The following NTMT1 variants were observed in gnomAD, a reference collection of about 807,000 sequenced individuals.
The protein encoded by NTMT1 is N-terminal Xaa-Pro-Lys N-methyltransferase 1.
A neutral mutation model predicts 17.5 loss-of-function variants in NTMT1; 8 were observed. The ratio of observed to expected loss-of-function variants is 0.46; its 90% CI spans 0.27 to 0.82. The LOEUF is 0.82. NTMT1 is among the 40% of genes least tolerant of loss of function. NTMT1 has a pLI of 0.15. For synonymous variants in NTMT1, 128 were observed against 126.8 expected (o/e 1.01, Z -0.06); for missense variants, 221 against 303.5 (o/e 0.73, Z 2.02).
intron 1 of NTMT1, among the ~76,000 whole-genome samples, chr9:129,630,441 A>T (rs190011193): frequency 6.6e-6 from 1 of 152,308 alleles, no homozygotes; most frequent in Non-Finnish European, 1.5e-5. Flanking sequence ...AAAAAAAAGA[A>T]GAAAAAATTC....
rs1304605542 is a variant in NTMT1 at position 129,626,927 on chromosome 9, G to A, written c.-55+632G>A. ...TTTCTCCTCTGTACTATAAGTGATT[G>A]CCACAACTGGTGTCAGAGGCCCTGA... On this transcript the variant is annotated intron_variant, in intron 1 of 3. Coordinates refer to ENST00000372483, the MANE Select transcript of NTMT1 (RefSeq NM_014064.4). Among the ~76,000 whole-genome samples the A allele has an allele frequency of 2.6e-5, 4 of 152,344 alleles. No homozygotes were observed. The East Asian group carries it at 7.7e-4, about 29-fold the overall frequency.
In NTMT1 at chr9:129,634,381, C is replaced by G; in HGVS notation, c.415+75C>G. On this transcript the variant is annotated intron_variant, in intron 3 of 3. Coordinates refer to ENST00000372483, the MANE Select transcript of NTMT1 (RefSeq NM_014064.4). ...CGCGTTCCCCATAAGGTGTCAGGAC[C>G]AGGGCTTTGCACTCCTGCAGCAAGT... 4 of 1,509,038 alleles carry G rather than the reference C, an allele frequency of 2.7e-6. No individual in the cohort carries two copies. In the Admixed American group the frequency reaches 8.3e-5, roughly 31 times the overall value. 93.5% of individuals were successfully genotyped at this position (1,509,038 alleles called of 1,614,324 possible). A position where few individuals can be genotyped will look rare whatever the true frequency, so the allele number is the denominator to read the frequency against.
chr9:129,634,784 A>C, intron 3 of NTMT1: 2 of 234,448 alleles, frequency 8.5e-6, no homozygotes, highest in Non-Finnish European at 1.7e-5. Flanking sequence ...TGCTGTGGAC[A>C]CTCTAGGTCT....
At chr9:129,612,192 C>T (rs1830128219) in intron 1 of NTMT1, 1 of 638,042 alleles carries the variant, frequency 1.6e-6, no homozygotes, top group Admixed American at 2.6e-5. Context: ...TCCAGGAACC[C>T]CCAGAGACCA....
chr9:129,616,673 A>T (rs1830405975), intron 1 of NTMT1, among the ~76,000 whole-genome samples: 1 of 152,216 alleles, frequency 6.6e-6, no homozygotes, highest in East Asian at 1.9e-4. Flanking sequence ...GGTGAGTATC[A>T]AATGATTTAC....
At chr9:129,635,138 AAGT>A in intron 3 of NTMT1, 67 bp from the exon 4 acceptor site, 4 of 1,542,606 alleles carry the variant, frequency 2.6e-6, no homozygotes, top group Non-Finnish European at 3.5e-6. Context: ...CGGGGCTGAG[AAGT>A]ACATCCCATC....
At chr9:129,623,345 A>AGGAAG (rs1564342255), upstream of NTMT1, among the ~76,000 whole-genome samples, 365 of 142,696 alleles carry the variant, frequency 2.6e-3, 3 homozygotes, top group East Asian at 0.019. Flanking sequence ...AAAAAAAAAA[A>AGGAAG]GAAGGAAGGA....
intron 1 of NTMT1, chr9:129,619,642 A>C: frequency 6.2e-7 from 1 of 1,613,928 alleles, no homozygotes; most frequent in Non-Finnish European, 8.5e-7. Context: ...GGCCCCTTAA[A>C]GACAAACAGG....
rs1488832529 is a variant in NTMT1, at chr9:129,620,980, T to C, written c.-54-11670T>C. Among the ~76,000 whole-genome samples, 3 of 152,250 alleles carry C rather than the reference T, an allele frequency of 2.0e-5. No homozygotes were observed. Among genetic ancestry groups the C allele is most frequent in the African/African-American group, 7.2e-5 (3 of 41,462 alleles). On this transcript the variant is annotated intron_variant, in intron 1 of 3. Transcript: ENST00000372486. The surrounding 1 kb of genome is among the most constrained non-coding windows in gnomAD (Gnocchi z 5.8). The stretch of plus-strand genomic sequence containing the variant: ...CCACCACTTATTAGCTTTGTAACCT[T>C]GGCCAAGCCAATTAACTTCCCTCTG...
upstream of NTMT1, among the ~76,000 whole-genome samples, chr9:129,621,850 G>T (rs1358489323): frequency 2.0e-5 from 3 of 152,132 alleles, no homozygotes; most frequent in Non-Finnish European, 2.9e-5. Flanking sequence ...TCTGGGTGGG[G>T]CCCTAGAAGG....
chr9:129,616,414 C>T (rs1415823272), intron 1 of NTMT1, among the ~76,000 whole-genome samples: 2 of 152,144 alleles, frequency 1.3e-5, no homozygotes, highest in African/African-American at 4.8e-5. Flanking sequence ...CGGGGTTTCA[C>T]CTTATTGGCC....
At chr9:129,627,889 C>T (rs910191834) in intron 1 of NTMT1, among the ~76,000 whole-genome samples, 14 of 152,142 alleles carry the variant, frequency 9.2e-5, no homozygotes, top group African/African-American at 3.4e-4. Context: ...AAAAGTCTGC[C>T]GGTGACAGTT....
intron 1 of NTMT1, among the ~76,000 whole-genome samples, chr9:129,630,423 C>T (rs1831100773): frequency 6.6e-6 from 1 of 152,006 alleles, no homozygotes; most frequent in Non-Finnish European, 1.5e-5. Context: ...ACAGTGAGAC[C>T]CTTTCTAAAA....
chr9:129,631,792 G>A (rs1458911531), intron 1 of NTMT1, among the ~76,000 whole-genome samples: 1 of 152,180 alleles, frequency 6.6e-6, no homozygotes, highest in Non-Finnish European at 1.5e-5. Context: ...CCTCCTCAGG[G>A]ATGCCTTCCC....
intron 1 of NTMT1, chr9:129,612,960 G>T: frequency 1.0e-6 from 1 of 966,610 alleles, no homozygotes; most frequent in Non-Finnish European, 1.5e-6. Flanking sequence ...CACAGGGCGT[G>T]GCCACTGCAA....
At chr9:129,634,605 G>T in intron 3 of NTMT1, 2 of 346,108 alleles carry the variant, frequency 5.8e-6, no homozygotes, top group Non-Finnish European at 1.0e-5. Context: ...TCAAAGTGAG[G>T]AGTTTTATAA....
At chr9:129,633,412 C>T (rs1564348939) in intron 2 of NTMT1, 1 of 188,234 alleles carries the variant, frequency 5.3e-6, no homozygotes, top group Non-Finnish European at 1.1e-5. Context: ...ACCTGTTGCC[C>T]CGCTTCCATT....
chr9:129,614,406 C>T lies in NTMT1; in HGVS notation c.-55+5228C>T, dbSNP rs1362632730. ...TAGGTTTGCAGGGCATCGCCCACAG[C>T]TAGACCTTGAGGCAGACATTTCCTG... On this transcript the variant is annotated intron_variant, in intron 1 of 3. Coordinates refer to the NTMT1 transcript ENST00000372486. The surrounding 1 kb of genome is among the most constrained non-coding windows in gnomAD (Gnocchi z 4.4). Among the ~76,000 whole-genome samples the T allele has an allele frequency of 6.6e-6, 1 of 152,222 alleles. No individual in the cohort carries two copies. The highest frequency in any genetic ancestry group is 1.5e-5 in the Non-Finnish European group (1 of 68,040).
intron 3 of NTMT1, 87 bp downstream of exon 3, chr9:129,634,393 C>G: frequency 6.8e-7 from 1 of 1,479,500 alleles, no homozygotes; most frequent in Non-Finnish European, 9.1e-7. Flanking sequence ...GGGCTTTGCA[C>G]TCCTGCAGCA....
Sources: gnomAD v4.1 joint callset for allele counts (sites outside exome capture counted in the v4.1 genomes callset) on GRCh38, gnomAD v4.1.1 for gene constraint, Gnocchi (gnomAD v3.1) non-coding constraint, MANE v1.5 for transcripts, NCBI Gene and HGNC (gene_info 2026-07-23, HGNC 2026-07-21) for gene names.